SYT10: variants seen among roughly 807,000 people sequenced by gnomAD.
SYT10 encodes synaptotagmin-10.
In SYT10, 31 loss-of-function variants were observed where a neutral mutation model predicts 51.1. That is an observed-to-expected ratio of 0.61 (90% CI 0.46 to 0.82). SYT10 has a LOEUF of 0.82. Among genes scored for constraint, SYT10 ranks in the 40% least tolerant of loss-of-function variants. SYT10 has a pLI of 0.00. For missense variants in SYT10, 603 were observed against 634.0 expected, an observed-to-expected ratio of 0.95 and a Z score of 0.53; for synonymous variants, 233 against 225.9, an observed-to-expected ratio of 1.03 and a Z score of -0.28.
Position 33,376,633 on chromosome 12 carries a change from A to T in SYT10, c.*197T>A. ...GATAAAATGCCTTATGCAACTAAGGACTATATGTATTCAAGTAAAATGTAT... is the reference window on the plus strand; with the variant it reads ...GATAAAATGCCTTATGCAACTAAGGTCTATATGTATTCAAGTAAAATGTAT... On this transcript the variant is annotated 3_prime_UTR_variant, in exon 7 of 7. Coordinates refer to ENST00000228567, the MANE Select transcript of SYT10 (RefSeq NM_198992.4). The T allele has an allele frequency of 1.7e-6, 1 of 603,616 alleles. No homozygotes were observed. Among genetic ancestry groups the T allele is most frequent in the Non-Finnish European group, 2.9e-6 (1 of 345,718 alleles). 37.4% of individuals were successfully genotyped at this position (603,616 alleles called of 1,614,324 possible).
intron 3 of SYT10, among the ~76,000 whole-genome samples, chr12:33,391,415 T>A (rs1031647569): frequency 6.6e-6 from 1 of 151,954 alleles, no homozygotes; most frequent in Non-Finnish European, 1.5e-5. Context: ...CAAAGGGAAT[T>A]AGAAACAGAG....
rs1866061678 is a variant in SYT10, at chr12:33,376,331, A to G, written c.*499T>C. The G allele has an allele frequency of 6.6e-6, 1 of 152,540 alleles. No individual in the cohort carries two copies. The highest frequency in any genetic ancestry group is 1.5e-5 in the Non-Finnish European group (1 of 68,264). The allele number at this position is 152,540 out of a possible 1,614,324, so 9.4% of individuals were successfully genotyped here. On this transcript the variant is annotated 3_prime_UTR_variant, in exon 7 of 7. Transcript: ENST00000228567. Reference sequence around the variant, plus strand: ...GAGAATGAAAGAAAAGTATTATCAGATAAGTAACATTAATTTGATTGTGCA... The same window carrying G: ...GAGAATGAAAGAAAAGTATTATCAGGTAAGTAACATTAATTTGATTGTGCA...
At chr12:33,423,662 G>A (rs963737546) in intron 2 of SYT10, among the ~76,000 whole-genome samples, 1 of 152,170 alleles carries the variant, frequency 6.6e-6, no homozygotes, top group East Asian at 1.9e-4. Flanking sequence ...ATTTTTAATT[G>A]AGTATGATGA....
At chr12:33,381,802 T>C (rs1164306866) in intron 5 of SYT10, among the ~76,000 whole-genome samples, 1 of 152,130 alleles carries the variant, frequency 6.6e-6, no homozygotes, top group Non-Finnish European at 1.5e-5. Context: ...GGAAGAACTA[T>C]CCATAAAGCA....
At chr12:33,437,851 A>G (rs1866650599) in intron 1 of SYT10, among the ~76,000 whole-genome samples, 1 of 152,110 alleles carries the variant, frequency 6.6e-6, no homozygotes, top group African/African-American at 2.4e-5. Flanking sequence ...ATGCTCACAC[A>G]GTGCCTTCCA....
At position 33,430,262 on chromosome 12, in the gene SYT10, T is replaced by C. The variant is rs150433142; in HGVS notation, c.152-3767A>G. On this transcript the variant is annotated intron_variant, in intron 1 of 6. Coordinates refer to ENST00000228567, the MANE Select transcript of SYT10 (RefSeq NM_198992.4). ...AACATTTTACTCTTTTATCATGTTT[T>C]AATATCCCAAAATAAAGTGACATAG... Among the ~76,000 whole-genome samples, 26 of 152,356 alleles carry C rather than the reference T, an allele frequency of 1.7e-4. No individual in the cohort carries two copies. In the East Asian group the frequency reaches 4.8e-3, roughly 28 times the overall value.
At chr12:33,401,688 C>T (rs1026619966) in intron 3 of SYT10, among the ~76,000 whole-genome samples, 18 of 152,084 alleles carry the variant, frequency 1.2e-4, no homozygotes, top group African/African-American at 4.1e-4. Context: ...AAGTAGCTAA[C>T]ATTAACAAAG....
chr12:33,433,652 C>T (rs1349446138), intron 1 of SYT10, among the ~76,000 whole-genome samples: 4 of 152,036 alleles, frequency 2.6e-5, no homozygotes, highest in Non-Finnish European at 4.4e-5. Context: ...CACATGTGTG[C>T]ATAGTCAAGT....
chr12:33,425,077 T>C (rs1454204089), intron 2 of SYT10, among the ~76,000 whole-genome samples: 1 of 152,158 alleles, frequency 6.6e-6, no homozygotes, highest in African/African-American at 2.4e-5. Context: ...ACAAAATACA[T>C]ATTGAATAGC....
intron 3 of SYT10, among the ~76,000 whole-genome samples, chr12:33,386,529 C>T (rs1197841290): frequency 2.6e-5 from 4 of 151,638 alleles, no homozygotes; most frequent in Non-Finnish European, 4.4e-5. Flanking sequence ...TCTCTTAAAT[C>T]TTTATATGGC....
chr12:33,392,180 C>T (rs1866213496), intron 3 of SYT10, among the ~76,000 whole-genome samples: 1 of 152,156 alleles, frequency 6.6e-6, no homozygotes, highest in Non-Finnish European at 1.5e-5. Flanking sequence ...ATTATGTTTG[C>T]TGTAATTCTA....
At chr12:33,424,084 T>A (rs1866528942) in intron 2 of SYT10, 2 of 440,880 alleles carry the variant, frequency 4.5e-6, no homozygotes, top group Non-Finnish European at 9.0e-6. Flanking sequence ...TGAATGTGTG[T>A]TGCAGTTTTT....
rs1866045608 is a variant in SYT10 at position 33,374,394 on chromosome 12, T to A, written c.*2436A>T. The stretch of plus-strand genomic sequence containing the variant: ...AAATAAGGGGATTTGTAATATCAAA[T>A]CTTATTTTAAATACTGAAACTGAAA... On this transcript the variant is annotated 3_prime_UTR_variant, in exon 7 of 7. Transcript: ENST00000228567. 1 of 151,768 alleles carries A rather than the reference T, an allele frequency of 6.6e-6. No individual in the cohort carries two copies. Among genetic ancestry groups the A allele is most frequent in the Non-Finnish European group, 1.5e-5 (1 of 67,882 alleles). The allele number at this position is 151,768 out of a possible 1,614,324, so 9.4% of individuals were successfully genotyped here.
intron 3 of SYT10, among the ~76,000 whole-genome samples, chr12:33,393,755 C>T (rs780499812): frequency 1.3e-5 from 2 of 152,188 alleles, no homozygotes; most frequent in Non-Finnish European, 2.9e-5. Context: ...TTTCATCTCC[C>T]ATCACTCTCA....
In SYT10 at chr12:33,439,692, G is replaced by C; in HGVS notation, c.-170C>G. ...CTTAGGAGCCCCACGTTGGCCCCAT[G>C]GCGGGAGCGGAGGGCGTAGGGGAAG... On this transcript the variant is annotated 5_prime_UTR_variant, in exon 1 of 7. Transcript: ENST00000228567. 2.5e-6 allele frequency: 2 copies of C among 793,794 alleles called. No homozygotes were observed. The highest frequency in any genetic ancestry group is 3.8e-6 in the Non-Finnish European group (2 of 522,188). 49.2% of individuals were successfully genotyped at this position (793,794 alleles called of 1,614,324 possible).
At chr12:33,394,394 A>AT (rs943748403) in intron 3 of SYT10, among the ~76,000 whole-genome samples, 6 of 152,126 alleles carry the variant, frequency 3.9e-5, no homozygotes, top group Admixed American at 1.3e-4. Flanking sequence ...TCTCTCATTC[A>AT]TTTTTTCAAA....
intron 6 of SYT10, among the ~76,000 whole-genome samples, chr12:33,379,421 G>A (rs1388575485): frequency 6.6e-6 from 1 of 151,886 alleles, no homozygotes; most frequent in Non-Finnish European, 1.5e-5. Flanking sequence ...CCTTTATTTA[G>A]GGATTGTGGA....
At chr12:33,430,959 G>A (rs1446125352) in intron 1 of SYT10, among the ~76,000 whole-genome samples, 1 of 152,172 alleles carries the variant, frequency 6.6e-6, no homozygotes, top group Non-Finnish European at 1.5e-5. Context: ...ACTGAAACAA[G>A]ATAGTTTATT....
intron 4 of SYT10, among the ~76,000 whole-genome samples, chr12:33,384,754 G>A (rs1476495558): frequency 3.3e-5 from 5 of 152,278 alleles, no homozygotes; most frequent in South Asian, 2.1e-4. Context: ...AATGGTAGTC[G>A]TGGAACATGG....
Sources: allele counts gnomAD v4.1 joint callset (sites outside exome capture counted in the v4.1 genomes callset), GRCh38; gene constraint gnomAD v4.1.1; transcripts MANE v1.5; gene names NCBI Gene and HGNC (gene_info 2026-07-23, HGNC 2026-07-21).